The following CENPP variants were observed in gnomAD, a reference collection of about 807,000 sequenced individuals.
CENPP encodes centromere protein P.
Under a neutral mutation model 35.6 loss-of-function variants are expected in CENPP, and 24 were observed. That is an observed-to-expected ratio of 0.67 (90% confidence interval 0.49 to 0.95). The LOEUF (loss-of-function observed/expected upper bound fraction) is 0.95, where lower values mean the gene tolerates loss of function less well. CENPP is among the 40% of genes least tolerant of loss of function. The probability of loss-of-function intolerance (pLI) is 0.00; values close to 1 mark genes in which losing one functional copy is unlikely to be tolerated. For missense variants in CENPP, 332 were observed against 345.3 expected, an observed-to-expected ratio of 0.96 and a Z score of 0.31; for synonymous variants, 120 against 125.5, an observed-to-expected ratio of 0.96 and a Z score of 0.29.
chr9:92,517,891 A>G lies in CENPP; in HGVS notation c.565-93423A>G, dbSNP rs143684239. 1.4e-3 allele frequency: 2,335 copies of G among 1,613,170 alleles called. 2 individuals carry two copies. Among genetic ancestry groups the G allele is most frequent in the Non-Finnish European group, 1.6e-3 (1,875 of 1,179,474 alleles). On this transcript the variant is annotated intron_variant, in intron 5 of 7. Coordinates refer to ENST00000375587, the MANE Select transcript of CENPP (RefSeq NM_001012267.3). ...CCCTTCTTTCCTAGAAGAAAACAAA[A>G]GCACAAATTTAAATTTCTTATGTGA...
At chr9:92,526,191 A>G (rs1848398702) in intron 5 of CENPP, among the ~76,000 whole-genome samples, 1 of 152,170 alleles carries the variant, frequency 6.6e-6, no homozygotes, top group South Asian at 2.1e-4. Flanking sequence ...TCCAGACCCA[A>G]TGAAGGCCTA....
At chr9:92,395,427 A>T (rs1007609568) in intron 5 of CENPP, among the ~76,000 whole-genome samples, 1 of 152,200 alleles carries the variant, frequency 6.6e-6, no homozygotes, top group African/African-American at 2.4e-5. Context: ...TGGTCATTTC[A>T]TATGGACATT....
intron 4 of CENPP, among the ~76,000 whole-genome samples, chr9:92,378,820 G>C (rs1842180539): frequency 6.6e-6 from 1 of 152,168 alleles, no homozygotes; most frequent in South Asian, 2.1e-4. Context: ...AGCTGTTAGG[G>C]AATAGGATAC....
chr9:92,429,958 A>G (rs570621418), intron 5 of CENPP, among the ~76,000 whole-genome samples: 3 of 152,290 alleles, frequency 2.0e-5, no homozygotes, highest in African/African-American at 7.2e-5. Context: ...CCTAATGTAA[A>G]CAATGGTGCA....
intron 5 of CENPP, among the ~76,000 whole-genome samples, chr9:92,483,232 CTT>C (rs1380862828): frequency 7.0e-5 from 10 of 142,786 alleles, no homozygotes; most frequent in Admixed American, 2.8e-4. Flanking sequence ...GGACAGTTTT[CTT>C]TTTTTTTTTT....
At chr9:92,580,151 C>A (rs1160975286) in intron 5 of CENPP, among the ~76,000 whole-genome samples, 6 of 152,118 alleles carry the variant, frequency 3.9e-5, no homozygotes, top group Non-Finnish European at 8.8e-5. Context: ...AGGGATGAAG[C>A]CCACTTGATC....
chr9:92,512,327 T>A (rs1847403145), intron 5 of CENPP, among the ~76,000 whole-genome samples: 1 of 152,198 alleles, frequency 6.6e-6, no homozygotes, highest in Non-Finnish European at 1.5e-5. Flanking sequence ...TTTAACATAG[T>A]TGACATTTTC....
At chr9:92,328,090 GGGAGTC>G (rs556177548) in intron 1 of CENPP, among the ~76,000 whole-genome samples, 59 of 152,248 alleles carry the variant, frequency 3.9e-4, no homozygotes, top group African/African-American at 1.3e-3. Flanking sequence ...TTGACCAAGA[GGGAGTC>G]GGTTCAGGTG....
intron 5 of CENPP, among the ~76,000 whole-genome samples, chr9:92,581,387 A>G (rs1588294365): frequency 6.6e-6 from 1 of 151,988 alleles, no homozygotes; most frequent in East Asian, 1.9e-4. Flanking sequence ...GATCCAAAAT[A>G]TATATATATA....
chr9:92,588,567 A>G (rs1197228046), intron 5 of CENPP, among the ~76,000 whole-genome samples: 2 of 152,030 alleles, frequency 1.3e-5, no homozygotes. Flanking sequence ...GTGAGTTTTA[A>G]AAGGTTTTTC....
intron 5 of CENPP, among the ~76,000 whole-genome samples, chr9:92,592,526 C>T (rs1850690269): frequency 6.6e-6 from 1 of 152,196 alleles, no homozygotes; most frequent in African/African-American, 2.4e-5. Flanking sequence ...TGTGGATATA[C>T]AACAAAGTCT....
At chr9:92,499,791 A>G (rs1227219596) in intron 5 of CENPP, among the ~76,000 whole-genome samples, 1 of 152,238 alleles carries the variant, frequency 6.6e-6, no homozygotes, top group Non-Finnish European at 1.5e-5. Flanking sequence ...AGAAGGGGAA[A>G]GACTAAGAGG....
At position 92,339,425 on chromosome 9, in the gene CENPP, C is replaced by T. The variant is rs1350198904; in HGVS notation, c.378+1796C>T. Among the ~76,000 whole-genome samples the T allele has an allele frequency of 2.6e-5, 4 of 152,106 alleles. No homozygotes were observed. The East Asian group carries it at 5.8e-4, about 22-fold the overall frequency. ...GGAAGTTTTGCTTCTCTTTGCAATC[C>T]AAGTCTCCATTTGCTATTACTGGCT... On this transcript the variant is annotated intron_variant, in intron 3 of 7. Coordinates refer to ENST00000375587, the MANE Select transcript of CENPP (RefSeq NM_001012267.3).
In CENPP at chr9:92,412,082, A is replaced by T. The variant is rs183528601; in HGVS notation, c.564+32223A>T. Among the ~76,000 whole-genome samples, 1,101 of 152,026 alleles carry T rather than the reference A, an allele frequency of 7.2e-3. 12 individuals are homozygous for T. The highest frequency in any genetic ancestry group is 0.031 in the Middle Eastern group (9 of 294). On this transcript the variant is annotated intron_variant, in intron 5 of 7. Transcript: ENST00000375587. ...ATATAATTTAATTAATGAATTAATT[A>T]ATTAATTAATTTATTTATTTTTAGA...
intron 5 of CENPP, among the ~76,000 whole-genome samples, chr9:92,569,818 AG>A (rs1850088771): frequency 2.0e-5 from 3 of 152,180 alleles, no homozygotes; most frequent in Non-Finnish European, 1.5e-5. Context: ...TTGGATTCCT[AG>A]GTATTTTATT....
intron 5 of CENPP, chr9:92,460,567 C>T (rs1845069907): frequency 6.5e-7 from 1 of 1,533,764 alleles, no homozygotes; most frequent in Non-Finnish European, 9.0e-7. Context: ...TGGTGGTAAG[C>T]CTAATAAGAA....
intron 5 of CENPP, among the ~76,000 whole-genome samples, chr9:92,428,729 G>C (rs889496934): frequency 2.6e-5 from 4 of 152,036 alleles, no homozygotes; most frequent in African/African-American, 4.8e-5. Context: ...GCTTCTACTT[G>C]TTACTTCCAG....
chr9:92,464,871 A>G (rs1245341091), intron 5 of CENPP: 1 of 1,299,152 alleles, frequency 7.7e-7, no homozygotes, highest in East Asian at 2.3e-5. Flanking sequence ...TCGTTATTGA[A>G]AGGTGACAAC....
intron 5 of CENPP, among the ~76,000 whole-genome samples, chr9:92,524,316 A>G (rs1439654669): frequency 6.6e-6 from 1 of 152,176 alleles, no homozygotes; most frequent in Non-Finnish European, 1.5e-5. Flanking sequence ...AGGGCCTTGC[A>G]CATGGTAAAG....
Sources: allele counts gnomAD v4.1 joint callset (sites outside exome capture counted in the v4.1 genomes callset), GRCh38; gene constraint gnomAD v4.1.1; transcripts MANE v1.5; gene names NCBI Gene and HGNC (gene_info 2026-07-23, HGNC 2026-07-21).